The following MICU1 variants were observed in gnomAD, a reference collection of about 807,000 sequenced individuals.
MICU1 encodes mitochondrial calcium uptake 1, also known as calcium uptake protein 1, mitochondrial.
In MICU1, 45 loss-of-function variants were observed where a neutral mutation model predicts 56.8. The ratio of observed to expected loss-of-function variants is 0.79; its 90% CI spans 0.62 to 1.02. The LOEUF (loss-of-function observed/expected upper bound fraction) is 1.02. MICU1 is among the 50% of genes least tolerant of loss of function. The pLI is 0.00. For missense variants in MICU1, 504 were observed against 587.1 expected, an observed-to-expected ratio of 0.86 and a Z score of 1.46; for synonymous variants, 186 against 195.1, an observed-to-expected ratio of 0.95 and a Z score of 0.39.
chr10:72,550,251 CAATT>C (rs1162668195), intron 4 of MICU1, among the ~76,000 whole-genome samples: 1 of 152,058 alleles, frequency 6.6e-6, no homozygotes, highest in Admixed American at 6.5e-5. Flanking sequence ...TTTGGATATA[CAATT>C]ACTTACCATT....
chr10:72,518,652 C>A (rs1158263528), intron 5 of MICU1, among the ~76,000 whole-genome samples: 2 of 152,116 alleles, frequency 1.3e-5, no homozygotes, highest in African/African-American at 4.8e-5. Context: ...CTTCAGTATA[C>A]ATGCTGAAAA....
intron 5 of MICU1, among the ~76,000 whole-genome samples, chr10:72,516,365 T>C (rs1006444709): frequency 2.0e-5 from 3 of 152,202 alleles, no homozygotes; most frequent in African/African-American, 7.2e-5. Context: ...TTGCAAACAT[T>C]TTCTTCCATT....
At chr10:72,595,044 T>C (rs941503855) in intron 1 of MICU1, among the ~76,000 whole-genome samples, 1 of 151,390 alleles carries the variant, frequency 6.6e-6, no homozygotes, top group African/African-American at 2.4e-5. Context: ...AGAAGATCCA[T>C]ATAAATTTAT....
At chr10:72,507,567 A>G (rs1867295525) in intron 6 of MICU1, among the ~76,000 whole-genome samples, 2 of 152,246 alleles carry the variant, frequency 1.3e-5, no homozygotes, top group Admixed American at 6.5e-5. Flanking sequence ...TGAAGGATAT[A>G]GTAGTAAGCA....
intron 1 of MICU1, among the ~76,000 whole-genome samples, chr10:72,567,546 G>A (rs1043653809): frequency 3.9e-5 from 6 of 152,154 alleles, no homozygotes; most frequent in South Asian, 4.1e-4. Flanking sequence ...ACTTACTAAG[G>A]TGCCATGCCA....
intron 10 of MICU1, among the ~76,000 whole-genome samples, chr10:72,378,123 C>T (rs1312348626): frequency 4.6e-5 from 7 of 152,008 alleles, no homozygotes; most frequent in Admixed American, 6.6e-5. Flanking sequence ...CGTGGTGGTG[C>T]GCACCTATAG....
intron 9 of MICU1, among the ~76,000 whole-genome samples, chr10:72,419,876 C>A (rs1007250298): frequency 6.6e-6 from 1 of 152,062 alleles, no homozygotes; most frequent in Non-Finnish European, 1.5e-5. Context: ...ACCCAAATCT[C>A]GAATTGTAGC....
intron 6 of MICU1, among the ~76,000 whole-genome samples, chr10:72,494,251 G>GC (rs747528675): frequency 1.3e-5 from 2 of 152,146 alleles, no homozygotes; most frequent in Admixed American, 6.5e-5. Flanking sequence ...TCTTAGACAA[G>GC]CCCATGCCCT....
chr10:72,421,611 G>A (rs531633259), intron 9 of MICU1, among the ~76,000 whole-genome samples: 3 of 152,112 alleles, frequency 2.0e-5, no homozygotes, highest in East Asian at 1.9e-4. Context: ...GGCAGCTGGC[G>A]TTGAAGGGTA....
intron 1 of MICU1, among the ~76,000 whole-genome samples, chr10:72,620,912 C>T (rs1842089069): frequency 1.3e-5 from 2 of 152,148 alleles, no homozygotes; most frequent in African/African-American, 2.4e-5. Flanking sequence ...CTACAGGTAT[C>T]CACTCTATCG....
In MICU1 at chr10:72,428,554, T is replaced by G. The variant is rs564075466; in HGVS notation, c.934-5183A>C. The stretch of plus-strand genomic sequence containing the variant: ...GTCTCGAACTCCTGACATCAGGTGA[T>G]CCACCCGCCTCGGCCTCAAGTGCTG... On this transcript the variant is annotated intron_variant, in intron 8 of 11. Coordinates refer to ENST00000361114, the MANE Select transcript of MICU1 (RefSeq NM_001195518.2). Among the ~76,000 whole-genome samples, 4 of 152,268 alleles carry G rather than the reference T, an allele frequency of 2.6e-5. 1 individual carries two copies. The highest frequency in any genetic ancestry group is 9.6e-5 in the African/African-American group (4 of 41,556).
intron 2 of MICU1, among the ~76,000 whole-genome samples, chr10:72,565,066 A>AC (rs1361967055): frequency 6.6e-6 from 1 of 150,392 alleles, no homozygotes; most frequent in Non-Finnish European, 1.5e-5. Context: ...AAGTCACTTG[A>AC]CCCCAGGAGT....
chr10:72,475,379 T>A, intron 7 of MICU1, 82 bp from the exon 8 acceptor site: 1 of 1,260,772 alleles, frequency 7.9e-7, no homozygotes, highest in South Asian at 1.5e-5. Context: ...ATCATAACTA[T>A]TGTTTACTAT....
chr10:72,433,429 A>T (rs1230520285), intron 8 of MICU1, among the ~76,000 whole-genome samples: 162 of 120,788 alleles, frequency 1.3e-3, no homozygotes, highest in African/African-American at 4.6e-3. Context: ...GTATTTTTGT[A>T]TTTTTTTTTT....
At chr10:72,410,064 A>T (rs1863758646) in intron 9 of MICU1, among the ~76,000 whole-genome samples, 1 of 152,200 alleles carries the variant, frequency 6.6e-6, no homozygotes, top group African/African-American at 2.4e-5. Context: ...TAGCGTACTT[A>T]CAAAAACCGT....
intron 9 of MICU1, among the ~76,000 whole-genome samples, chr10:72,418,149 C>T (rs745355115): frequency 2.0e-5 from 3 of 152,180 alleles, no homozygotes; most frequent in Non-Finnish European, 4.4e-5. Flanking sequence ...TTATCTCCAC[C>T]TGTTCCCTCC....
At chr10:72,390,692 C>T (rs1863040018) in intron 10 of MICU1, among the ~76,000 whole-genome samples, 1 of 152,220 alleles carries the variant, frequency 6.6e-6, no homozygotes, top group Admixed American at 6.5e-5. Context: ...ATGAAGACAG[C>T]TGAGACTCAC....
intron 10 of MICU1, among the ~76,000 whole-genome samples, chr10:72,387,448 A>G (rs907097764): frequency 4.6e-5 from 7 of 152,252 alleles, no homozygotes; most frequent in African/African-American, 1.7e-4. Context: ...GGCTCTGAAT[A>G]GCACACAAAG....
chr10:72,600,039 C>T (rs1388262664), intron 1 of MICU1, among the ~76,000 whole-genome samples: 1 of 152,140 alleles, frequency 6.6e-6, no homozygotes, highest in Non-Finnish European at 1.5e-5. Context: ...CGCCTGTAAT[C>T]CCACCACTTT....
Sources: gnomAD v4.1 joint callset for allele counts (sites outside exome capture counted in the v4.1 genomes callset) on GRCh38, gnomAD v4.1.1 for gene constraint, MANE v1.5 for transcripts, NCBI Gene and HGNC (gene_info 2026-07-23, HGNC 2026-07-21) for gene names.